MAF: variants seen among roughly 807,000 people sequenced by gnomAD.
MAF encodes the protein MAF bZIP transcription factor.
MAF carries 10 observed loss-of-function variants against 22.0 expected under a neutral mutation model. The observed-to-expected ratio is 0.45, with a 90% confidence interval of 0.28 to 0.77. The LOEUF (loss-of-function observed/expected upper bound fraction) is 0.77, where lower values mean the gene tolerates loss of function less well. Ranked by LOEUF, MAF falls within the 30% of genes least tolerant of loss-of-function variation. MAF has a pLI of 0.12. For synonymous variants in MAF, 337 were observed against 255.8 expected (o/e 1.32, Z -3.03); for missense variants, 544 against 548.4 (o/e 0.99, Z 0.08).
the MAF span, among the ~76,000 whole-genome samples, chr16:79,239,838 G>A: frequency 6.6e-6 from 1 of 151,970 alleles, no homozygotes. Flanking sequence ...GCCATGGCAG[G>A]GGTAAGGCGC....
chr16:79,354,624 G>C, the MAF span, among the ~76,000 whole-genome samples: 1 of 152,158 alleles, frequency 6.6e-6, no homozygotes, highest in African/African-American at 2.4e-5. Context: ...TCTCCTTGTA[G>C]GGACAAAAGG....
the MAF span, among the ~76,000 whole-genome samples, chr16:79,228,964 G>C: frequency 6.6e-6 from 1 of 151,810 alleles, no homozygotes; most frequent in Non-Finnish European, 1.5e-5. Context: ...GAGGGGCCAA[G>C]ATGGGCTTTC....
the MAF span, chr16:79,212,234 T>C: frequency 5.1e-6 from 7 of 1,367,854 alleles, no homozygotes; most frequent in Non-Finnish European, 6.7e-6. Flanking sequence ...CACTGCTCCT[T>C]GCTGCATTGA....
the MAF span, among the ~76,000 whole-genome samples, chr16:79,466,656 C>T: frequency 6.6e-6 from 1 of 152,192 alleles, no homozygotes; most frequent in Non-Finnish European, 1.5e-5. Context: ...ATGTTCTGCA[C>T]ATAAATAATG....
chr16:79,520,432 T>C, the MAF span, among the ~76,000 whole-genome samples: 1 of 152,300 alleles, frequency 6.6e-6, no homozygotes, highest in African/African-American at 2.4e-5. Context: ...CTCGTGGTCC[T>C]AACCTCATTC....
chr16:79,275,835 T>C, the MAF span, among the ~76,000 whole-genome samples: 102 of 152,214 alleles, frequency 6.7e-4, no homozygotes, highest in Middle Eastern at 3.4e-3. Context: ...CATGTATTGA[T>C]TGAAAAATGA....
At chr16:79,336,398 G>A in the MAF span, among the ~76,000 whole-genome samples, 1 of 151,924 alleles carries the variant, frequency 6.6e-6, no homozygotes, top group Non-Finnish European at 1.5e-5. Context: ...ACAGAGCCAG[G>A]GTTTGAACCA....
chr16:79,329,738 G>A, the MAF span, among the ~76,000 whole-genome samples: 3 of 152,062 alleles, frequency 2.0e-5, no homozygotes, highest in Admixed American at 6.6e-5. Flanking sequence ...TTAGAAAACT[G>A]TACTATTCTT....
At chr16:79,339,859 C>A in the MAF span, among the ~76,000 whole-genome samples, 1 of 152,190 alleles carries the variant, frequency 6.6e-6, no homozygotes, top group Non-Finnish European at 1.5e-5. Flanking sequence ...TAAAGCAAAG[C>A]CAACACTGGA....
the MAF span, among the ~76,000 whole-genome samples, chr16:79,462,077 C>G: frequency 6.6e-6 from 1 of 152,206 alleles, no homozygotes; most frequent in African/African-American, 2.4e-5. Context: ...TTCCCCGCCT[C>G]CCCTCGCCTA....
chr16:79,292,910 C>A, the MAF span, among the ~76,000 whole-genome samples: 1,442 of 152,280 alleles, frequency 9.5e-3, 9 homozygotes, highest in Non-Finnish European at 0.015. Flanking sequence ...GCCATGGCAA[C>A]ATAAGAAAGT....
chr16:79,423,969 A>G, the MAF span, among the ~76,000 whole-genome samples: 9 of 152,224 alleles, frequency 5.9e-5, no homozygotes, highest in African/African-American at 1.9e-4. Context: ...AATAGGGTTA[A>G]GATTCATTAG....
chr16:79,217,820 C>CGA, the MAF span, among the ~76,000 whole-genome samples: 3 of 151,888 alleles, frequency 2.0e-5, no homozygotes, highest in Non-Finnish European at 4.4e-5. Flanking sequence ...AAGGCTGTGG[C>CGA]TTGTGGTTTT....
intron 1 of MAF, chr16:79,597,406 T>C (rs1913597905): frequency 3.9e-6 from 4 of 1,031,512 alleles, no homozygotes; most frequent in Admixed American, 1.1e-4. Context: ...GGGCAGTTTC[T>C]CTTTTTAAAA....
chr16:79,204,480 A>G, the MAF span: 1 of 152,186 alleles, frequency 6.6e-6, no homozygotes, highest in Non-Finnish European at 1.5e-5. Flanking sequence ...TCTCAGAAAG[A>G]TAAAATAATT....
chr16:79,477,023 T>C, the MAF span, among the ~76,000 whole-genome samples: 1 of 152,098 alleles, frequency 6.6e-6, no homozygotes, highest in South Asian at 2.1e-4. Flanking sequence ...GAGTCCCACC[T>C]CAGGGACATC....
the MAF span, among the ~76,000 whole-genome samples, chr16:79,325,017 CT>C: frequency 4.3e-4 from 66 of 152,282 alleles, no homozygotes; most frequent in South Asian, 2.3e-3. Flanking sequence ...GCATTCTCCC[CT>C]GTTCCTTCTT....
At chr16:79,239,966 G>C in the MAF span, among the ~76,000 whole-genome samples, 383 of 152,094 alleles carry the variant, frequency 2.5e-3, 2 homozygotes, top group African/African-American at 8.7e-3. Flanking sequence ...CAGAGGATGT[G>C]TGTAGCCATG....
chr16:79,584,058 A>C (rs1458607126), downstream of MAF, among the ~76,000 whole-genome samples: 1 of 152,176 alleles, frequency 6.6e-6, no homozygotes, highest in Non-Finnish European at 1.5e-5. Context: ...CTTGGGATGA[A>C]TATTTTGTAA....
Sources: allele counts gnomAD v4.1 joint callset (sites outside exome capture counted in the v4.1 genomes callset), GRCh38; gene constraint gnomAD v4.1.1; transcripts MANE v1.5; gene names NCBI Gene and HGNC (gene_info 2026-07-23, HGNC 2026-07-21).